Variants in ZNF143 observed in about 807,000 individuals in gnomAD.
ZNF143 encodes SPH-binding factor.
A neutral mutation model predicts 74.1 loss-of-function variants in ZNF143; 49 were observed. The ratio of observed to expected loss-of-function variants is 0.66; its 90% CI spans 0.53 to 0.84. The LOEUF (loss-of-function observed/expected upper bound fraction) is 0.84. Ranked by LOEUF, ZNF143 falls within the 40% of genes least tolerant of loss-of-function variation. The pLI, the probability that ZNF143 is intolerant of heterozygous loss-of-function variation, is 0.00. For missense variants in ZNF143, 637 were observed against 793.4 expected, an observed-to-expected ratio of 0.80 and a Z score of 2.37; for synonymous variants, 304 against 282.8, an observed-to-expected ratio of 1.07 and a Z score of -0.75.
chr11:9,482,009 C>T (rs187172892), intron 7 of ZNF143, among the ~76,000 whole-genome samples: 2,285 of 131,372 alleles, frequency 0.017, 56 homozygotes, highest in African/African-American at 0.061. Context: ...CTCACTCTGT[C>T]GCCCAGGCTG....
intron 7 of ZNF143, among the ~76,000 whole-genome samples, chr11:9,492,548 A>G (rs1214008966): frequency 2.0e-5 from 3 of 152,196 alleles, no homozygotes; most frequent in Non-Finnish European, 4.4e-5. Context: ...CGCCTGGCAC[A>G]GCCTACACAC....
chr11:9,520,860 T>C (rs1402929401), intron 14 of ZNF143, among the ~76,000 whole-genome samples: 1 of 152,272 alleles, frequency 6.6e-6, no homozygotes, highest in Non-Finnish European at 1.5e-5. Context: ...TTTAAAGTTT[T>C]AGCCATTCTA....
chr11:9,471,551 G>T (rs1038275488), intron 2 of ZNF143, 131 bp downstream of exon 2: 11 of 499,470 alleles, frequency 2.2e-5, no homozygotes, highest in East Asian at 4.0e-5. Flanking sequence ...AGGTGTTTTG[G>T]TGTTTTTTTT....
intron 7 of ZNF143, among the ~76,000 whole-genome samples, chr11:9,484,036 C>T (rs577497510): frequency 5.3e-5 from 8 of 151,678 alleles, no homozygotes; most frequent in African/African-American, 2.0e-4. Flanking sequence ...GCGTGAGCCA[C>T]CACACCCAGC....
chr11:9,526,770 T>A (rs1177748756), intron 15 of ZNF143, among the ~76,000 whole-genome samples: 1 of 152,132 alleles, frequency 6.6e-6, no homozygotes, highest in Non-Finnish European at 1.5e-5. Context: ...AAATCCCAAG[T>A]AAATTGCAGG....
rs1289187293 is a variant in ZNF143, at chr11:9,501,268, C to T, written c.1145C>T (p.Thr382Ile). ...TNYKNHVRIH[T>I]GEKPYVCTVP... ...TATAAAAACCATGTGAGGATACACA[C>T]AGGTAACAATCTCTGATCTTTTGGT... Residue 382 changes from threonine to isoleucine, a missense_variant and splice_region_variant, in exon 11 of 16, where the codon ACA becomes ATA. Thr to Ile is a moderately conservative substitution (Grantham distance 89, BLOSUM62 -1). Coordinates refer to ENST00000396602, the MANE Select transcript of ZNF143 (RefSeq NM_003442.6). 6.2e-7 allele frequency: 1 copy of T among 1,613,572 alleles called. No homozygotes were observed. The highest frequency in any genetic ancestry group is 8.5e-7 in the Non-Finnish European group (1 of 1,179,776).
intron 9 of ZNF143, 110 bp downstream of exon 9, chr11:9,496,488 G>C (rs1847961374): frequency 2.2e-6 from 2 of 894,370 alleles, no homozygotes; most frequent in East Asian, 5.1e-5. Flanking sequence ...AGAAGCACAT[G>C]ATCAGTTTTT....
intron 11 of ZNF143, 85 bp from the exon 12 acceptor site, chr11:9,508,534 G>C (rs1848438122): frequency 3.3e-6 from 4 of 1,215,244 alleles, no homozygotes; most frequent in East Asian, 2.4e-5. Context: ...TATTTTTAGA[G>C]GTATTTTACC....
rs2133883400 is a variant in ZNF143, at chr11:9,474,770, T to G, written c.373+137T>G. 3 of 955,340 alleles carry G rather than the reference T, an allele frequency of 3.1e-6. No individual in the cohort carries two copies. In the South Asian group the frequency reaches 5.0e-5, roughly 16 times the overall value. 59.2% of individuals were successfully genotyped at this position (955,340 alleles called of 1,614,324 possible). Reference sequence around the variant, plus strand: ...TCATTAAAGTACAAGGTGGCAGATTTAAGCATGATTTAAGGAAAAATTTTC... The same window carrying G: ...TCATTAAAGTACAAGGTGGCAGATTGAAGCATGATTTAAGGAAAAATTTTC... On this transcript the variant is annotated intron_variant, in intron 5 of 15. Coordinates refer to ENST00000396602, the MANE Select transcript of ZNF143 (RefSeq NM_003442.6).
intron 12 of ZNF143, among the ~76,000 whole-genome samples, chr11:9,510,997 T>C (rs1035366732): frequency 6.6e-6 from 1 of 152,052 alleles, no homozygotes; most frequent in African/African-American, 2.4e-5. Context: ...CAATCAGTTG[T>C]GCTAAAGACC....
chr11:9,511,720 G>A (rs913265837), intron 12 of ZNF143, among the ~76,000 whole-genome samples: 14 of 150,910 alleles, frequency 9.3e-5, no homozygotes, highest in African/African-American at 3.4e-4. Flanking sequence ...GGGATTACAG[G>A]TGTGAGCCAC....
At position 9,481,802 on chromosome 11, in the gene ZNF143, C is replaced by A. The variant is rs1197109681; in HGVS notation, c.645+2256C>A. Among the ~76,000 whole-genome samples, 3 of 148,532 alleles carry A rather than the reference C, an allele frequency of 2.0e-5. 1 individual carries two copies. The highest frequency in any genetic ancestry group is 7.4e-5 in the African/African-American group (3 of 40,396). On this transcript the variant is annotated intron_variant, in intron 7 of 15. Coordinates refer to ENST00000396602, the MANE Select transcript of ZNF143 (RefSeq NM_003442.6). ...ACTTGGGAAGCTGAGGCAGGAGAAT[C>A]GCTTGAACCTGGGAGGTGGGGGTTG...
At chr11:9,478,732 TC>T in intron 6 of ZNF143, 146 bp downstream of exon 6, 1 of 809,028 alleles carries the variant, frequency 1.2e-6, no homozygotes, top group Non-Finnish European at 1.9e-6. Context: ...GCCTATAACT[TC>T]CCAGCACTTT....
Position 9,508,848 on chromosome 11 carries a change from T to G in ZNF143, c.1375+2T>G. The G allele has an allele frequency of 6.4e-7, 1 of 1,566,790 alleles. No homozygotes were observed. Among genetic ancestry groups the G allele is most frequent in the Non-Finnish European group, 8.7e-7 (1 of 1,154,920 alleles). ...AAGCCTTCTTTGAGCCGCCCCCAGG[T>G]GAGAGTTTTGTCTACTATATTTTGT... is the stretch of plus-strand genomic sequence containing the variant. On this transcript the variant is annotated splice_donor_variant, in intron 12 of 15. Coordinates refer to ENST00000396602, the MANE Select transcript of ZNF143 (RefSeq NM_003442.6). LOFTEE classifies it high-confidence loss of function.
rs967302418 is a variant in ZNF143 at position 9,492,998 on chromosome 11, A to G, written c.646-1648A>G. Among the ~76,000 whole-genome samples the G allele has an allele frequency of 1.1e-4, 17 of 151,436 alleles. 1 individual carries two copies. Among genetic ancestry groups the G allele is most frequent in the Admixed American group, 1.1e-3 (17 of 15,204 alleles). On this transcript the variant is annotated intron_variant, in intron 7 of 15. Transcript: ENST00000396602. ...TTCTAGCCAGAAAAAATGTGGAATT[A>G]TATTATTCTTTGTATAGGCACTTTT... is the stretch of plus-strand genomic sequence containing the variant.
At chr11:9,462,305 T>G (rs1324943866) in intron 1 of ZNF143, among the ~76,000 whole-genome samples, 7 of 151,414 alleles carry the variant, frequency 4.6e-5, no homozygotes, top group African/African-American at 1.7e-4. Flanking sequence ...TTTTTTAAAA[T>G]AGCTTTAGTG....
rs557254693 is a variant in ZNF143 at position 9,496,522 on chromosome 11, C to T, written c.841+144C>T. The T allele has an allele frequency of 1.1e-4, 77 of 679,978 alleles. 1 individual carries two copies. In the East Asian group the frequency reaches 1.3e-3, roughly 12 times the overall value. 42.1% of individuals were successfully genotyped at this position (679,978 alleles called of 1,614,324 possible). ...TTCAGTCTCTCTCATAACTGCCTTTCGTCCTGCTTGCTCCAGACCCCTCTC... is the reference window on the plus strand; with the variant it reads ...TTCAGTCTCTCTCATAACTGCCTTTTGTCCTGCTTGCTCCAGACCCCTCTC... On this transcript the variant is annotated intron_variant, in intron 9 of 15. Coordinates refer to ENST00000396602, the MANE Select transcript of ZNF143 (RefSeq NM_003442.6).
chr11:9,508,941 G>A (rs1050105397), intron 12 of ZNF143, 95 bp downstream of exon 12: 72 of 1,259,274 alleles, frequency 5.7e-5, no homozygotes, highest in Non-Finnish European at 7.6e-5. Flanking sequence ...AAATCCTAAT[G>A]TGTCATTCGT....
At chr11:9,497,828 CTTTTTTT>C (rs536473555) in intron 10 of ZNF143, 28 bp downstream of exon 10, 375 of 1,046,560 alleles carry the variant, frequency 3.6e-4, no homozygotes, top group South Asian at 7.2e-4. Flanking sequence ...GTGTCAAAAT[CTTTTTTT>C]TTTTTTTTTT....
Sources: gnomAD v4.1 joint callset for allele counts (sites outside exome capture counted in the v4.1 genomes callset) on GRCh38, gnomAD v4.1.1 for gene constraint, MANE v1.5 for transcripts, NCBI Gene and HGNC (gene_info 2026-07-23, HGNC 2026-07-21) for gene names.